KLHL25: variants seen among roughly 807,000 people sequenced by gnomAD.
KLHL25 encodes the protein kelch like family member 25.
Under a neutral mutation model 30.0 loss-of-function variants are expected in KLHL25, and 41 were observed. The ratio of observed to expected loss-of-function variants is 1.37; its 90% CI spans 1.07 to 1.78. The LOEUF (loss-of-function observed/expected upper bound fraction) is 1.78. Ranked by LOEUF, KLHL25 falls within the 40% of genes most tolerant of loss-of-function variation. The pLI, the probability that KLHL25 is intolerant of heterozygous loss-of-function variation, is 0.00. For synonymous variants in KLHL25, 399 were observed against 355.3 expected (o/e 1.12, Z -1.38); for missense variants, 971 against 824.5 (o/e 1.18, Z -2.18).
chr15:85,793,913 A>G (rs985667807), intron 1 of KLHL25, among the ~76,000 whole-genome samples: 1 of 152,226 alleles, frequency 6.6e-6, no homozygotes, highest in Non-Finnish European at 1.5e-5. Flanking sequence ...TCAGGCCTCT[A>G]GAGAGATGTT....
chr15:85,775,730 G>C (rs973571949), intron 1 of KLHL25, among the ~76,000 whole-genome samples: 1 of 152,042 alleles, frequency 6.6e-6, no homozygotes, highest in Non-Finnish European at 1.5e-5. Context: ...CCCCTCCTGA[G>C]GGCTGGCAGC....
intron 1 of KLHL25, among the ~76,000 whole-genome samples, chr15:85,774,538 C>T (rs576821760): frequency 3.5e-4 from 53 of 152,274 alleles, no homozygotes; most frequent in African/African-American, 1.3e-3. Context: ...TGACCGAAAG[C>T]GAAAGGCCTA....
At chr15:85,780,946 G>C (rs376728725) in intron 1 of KLHL25, among the ~76,000 whole-genome samples, 1 of 152,176 alleles carries the variant, frequency 6.6e-6, no homozygotes, top group Non-Finnish European at 1.5e-5. Flanking sequence ...CAAAAGGAGG[G>C]GCTGCGAACA....
chr15:85,794,780 C>G lies in KLHL25; in HGVS notation c.-25G>C, dbSNP rs970516440. On this transcript the variant is annotated 5_prime_UTR_variant, in exon 1 of 3. Coordinates refer to ENST00000337975, the MANE Select transcript of KLHL25 (RefSeq NM_022480.4). ...TGGATACTCACTGCCGGAGACGATC[C>G]CCGCCGCCGCCGCCGCCTCAGAGAC... is the stretch of plus-strand genomic sequence containing the variant. 2 of 152,970 alleles carry G rather than the reference C, an allele frequency of 1.3e-5. No homozygotes were observed. Among genetic ancestry groups the G allele is most frequent in the Non-Finnish European group, 2.9e-5 (2 of 68,464 alleles). 9.5% of individuals were successfully genotyped at this position (152,970 alleles called of 1,614,324 possible).
At position 85,784,147 on chromosome 15, in the gene KLHL25, T is replaced by G. The variant is rs189777644; in HGVS notation, c.-11+10619A>C. Reference sequence around the variant, plus strand: ...TCAAATCTAATTAATGTGTGCTACATAGGTAATTAATGGTGTTACTGATCA... The same window carrying G: ...TCAAATCTAATTAATGTGTGCTACAGAGGTAATTAATGGTGTTACTGATCA... On this transcript the variant is annotated intron_variant, in intron 1 of 2. Transcript: ENST00000337975. Among the ~76,000 whole-genome samples, 26 of 152,358 alleles carry G rather than the reference T, an allele frequency of 1.7e-4. 1 individual carries two copies. The East Asian group carries it at 5.0e-3, about 29-fold the overall frequency.
chr15:85,785,966 C>T (rs886608519), intron 1 of KLHL25, among the ~76,000 whole-genome samples: 2 of 135,150 alleles, frequency 1.5e-5, no homozygotes, highest in Non-Finnish European at 3.2e-5. Context: ...GCCGACCCAC[C>T]CCCCCGCCCC....
In KLHL25 at chr15:85,769,086, G is replaced by C; in HGVS notation, c.725C>G (p.Pro242Arg). 2 of 1,606,386 alleles carry C rather than the reference G, an allele frequency of 1.2e-6. No individual in the cohort carries two copies. Among genetic ancestry groups the C allele is most frequent in the South Asian group, 1.1e-5 (1 of 90,886 alleles). Residue 242 changes from proline to arginine, a missense_variant, in exon 2 of 3, where the codon CCG becomes CGG. Physicochemically the swap from Pro to Arg is moderately radical, Grantham distance 103 (BLOSUM62 -2). Transcript: ENST00000337975. ...GACGGCCTCCTGCAGGCAGTCGGACGGCAGCAAGGCCAGACGCACGCTGCG... is the reference window on the plus strand; with the variant it reads ...GACGGCCTCCTGCAGGCAGTCGGACCGCAGCAAGGCCAGACGCACGCTGCG... ...LLRSVRLALL[P>R]SDCLQEAVSS...
chr15:85,783,761 A>G (rs2089760597), intron 1 of KLHL25, among the ~76,000 whole-genome samples: 1 of 151,894 alleles, frequency 6.6e-6, no homozygotes, highest in Non-Finnish European at 1.5e-5. Context: ...TCTTTTCTGG[A>G]TGGTGTTCCA....
intron 1 of KLHL25, among the ~76,000 whole-genome samples, chr15:85,771,749 T>C (rs2089676461): frequency 6.6e-6 from 1 of 152,270 alleles, no homozygotes; most frequent in South Asian, 2.1e-4. Flanking sequence ...GTGAGAGCAC[T>C]GGACGCAGAT....
intron 1 of KLHL25, among the ~76,000 whole-genome samples, chr15:85,787,030 A>G (rs1441570347): frequency 6.6e-6 from 1 of 152,238 alleles, no homozygotes; most frequent in African/African-American, 2.4e-5. Context: ...TCTTCTGGAA[A>G]GACAAAAGTG....
At chr15:85,780,570 C>A (rs1490519151) in intron 1 of KLHL25, among the ~76,000 whole-genome samples, 1 of 152,206 alleles carries the variant, frequency 6.6e-6, no homozygotes, top group Non-Finnish European at 1.5e-5. Context: ...CTTGGAGGAA[C>A]ACAAACATGC....
At chr15:85,778,105 T>A (rs1239166021) in intron 1 of KLHL25, among the ~76,000 whole-genome samples, 1 of 152,242 alleles carries the variant, frequency 6.6e-6, no homozygotes, top group Non-Finnish European at 1.5e-5. Context: ...GCATCATGGT[T>A]CAGGCGGTAA....
rs1279905814 is a variant in KLHL25, at chr15:85,768,227, G to A, written c.1584C>T (p.Arg528=). Residue 528 remains arginine (R), a synonymous_variant, in exon 2 of 3, where the codon CGC becomes CGT. Transcript: ENST00000337975. ...WTRIGDMTAK[R]MSCHALASGN... is the part of the protein sequence containing the mutation. ...CGGAAGCCAGGGCATGGCAGGACAT[G>A]CGCTTGGCAGTCATGTCCCCAATCC... 1 of 1,614,192 alleles carries A rather than the reference G, an allele frequency of 6.2e-7. No individual in the cohort carries two copies. Among genetic ancestry groups the A allele is most frequent in the East Asian group, 2.2e-5 (1 of 44,888 alleles).
chr15:85,792,994 C>A (rs930676143), intron 1 of KLHL25, among the ~76,000 whole-genome samples: 6 of 152,178 alleles, frequency 3.9e-5, no homozygotes, highest in Non-Finnish European at 8.8e-5. Flanking sequence ...TCTGTTCAAA[C>A]AATGAATCAA....
chr15:85,770,731 C>A (rs972224554), intron 1 of KLHL25, among the ~76,000 whole-genome samples: 1 of 152,164 alleles, frequency 6.6e-6, no homozygotes, highest in African/African-American at 2.4e-5. Context: ...CTTCCCAGGT[C>A]CCCCAGCTGA....
Position 85,769,412 on chromosome 15 carries a change from C to G in KLHL25, c.399G>C (p.Arg133=). 6.2e-7 allele frequency: 1 copy of G among 1,614,154 alleles called. No individual in the cohort carries two copies. The highest frequency in any genetic ancestry group is 8.5e-7 in the Non-Finnish European group (1 of 1,180,050). ...AGDMLQFHDV[R]DAAAEFLEKN... ...TCTCCAGGAACTCGGCGGCAGCATC[C>G]CGCACATCGTGGAACTGCAGCATGT... Residue 133 remains arginine (R), a synonymous_variant, in exon 2 of 3, where the codon CGG becomes CGC. Transcript: ENST00000337975.
chr15:85,791,550 T>C (rs1057230493), intron 1 of KLHL25, among the ~76,000 whole-genome samples: 1 of 151,070 alleles, frequency 6.6e-6, no homozygotes, highest in Non-Finnish European at 1.5e-5. Context: ...TCCAACAGGG[T>C]GCTGGGACAG....
At position 85,768,102 on chromosome 15, in the gene KLHL25, G is replaced by A; in HGVS notation, c.1709C>T (p.Thr570Ile). Reference protein sequence around the residue: ...PTSDTWNCITTVPYSLIPTAF... With the variant: ...PTSDTWNCITIVPYSLIPTAF... Reference sequence around the variant, plus strand: ...CGTGGGGATAAGTGAGTAGGGCACTGTGGTGATGCAGTTCCATGTATCTGA... The same window carrying A: ...CGTGGGGATAAGTGAGTAGGGCACTATGGTGATGCAGTTCCATGTATCTGA... The change falls in exon 2 of 3, where the codon ACA becomes ATA. Residue 570 changes from threonine (T) to isoleucine (I), a missense_variant. Physicochemically the swap from Thr to Ile is moderately conservative, Grantham distance 89. Coordinates refer to ENST00000337975, the MANE Select transcript of KLHL25 (RefSeq NM_022480.4). The A allele has an allele frequency of 1.9e-6, 3 of 1,614,246 alleles. No homozygotes were observed. The highest frequency in any genetic ancestry group is 2.2e-5 in the South Asian group (2 of 91,086).
intron 1 of KLHL25, among the ~76,000 whole-genome samples, chr15:85,773,914 G>A (rs765787281): frequency 6.6e-6 from 1 of 152,064 alleles, no homozygotes; most frequent in Non-Finnish European, 1.5e-5. Flanking sequence ...TGGTGACCAG[G>A]GGCTGCTTGT....
Sources: allele counts gnomAD v4.1 joint callset (sites outside exome capture counted in the v4.1 genomes callset), GRCh38; gene constraint gnomAD v4.1.1; transcripts MANE v1.5; gene names NCBI Gene and HGNC (gene_info 2026-07-23, HGNC 2026-07-21).